The following PRDM16 variants were observed in gnomAD, a reference collection of about 807,000 sequenced individuals.
PRDM16 encodes histone-lysine N-methyltransferase PRDM16.
In PRDM16, 23 loss-of-function variants were observed where a neutral mutation model predicts 110.6. The observed-to-expected ratio is 0.21, with a 90% CI of 0.15 to 0.29. PRDM16 has a LOEUF of 0.29. PRDM16 is among the 10% of genes least tolerant of loss of function. The probability of loss-of-function intolerance (pLI) is 1.00; values close to 1 mark genes in which losing one functional copy is unlikely to be tolerated. For synonymous variants in PRDM16, 799 were observed against 781.8 expected (o/e 1.02, Z -0.37); for missense variants, 1,615 against 1,794.3 (o/e 0.90, Z 1.81).
chr1:3,221,961 G>A (rs187423496), intron 2 of PRDM16, among the ~76,000 whole-genome samples: 2 of 152,344 alleles, frequency 1.3e-5, no homozygotes, highest in East Asian at 3.9e-4. Context: ...AAATTTAGAT[G>A]GGGATACAGT....
intron 3 of PRDM16, among the ~76,000 whole-genome samples, chr1:3,305,498 C>A (rs1641293018): frequency 6.6e-6 from 1 of 152,238 alleles, no homozygotes; most frequent in East Asian, 1.9e-4. Flanking sequence ...CCTTTGGTGA[C>A]CATTTCCCAT....
In PRDM16 at chr1:3,186,281, G is replaced by T; in HGVS notation, c.194G>T (p.Gly65Val). ...AGCGAGGACTTCACCCCCAAGGAGG[G>T]CTCGCCGTACGAGGCCCCTGTCTAC... ...PTSEDFTPKE[G>V]SPYEAPVYIP... is the part of the protein sequence containing the mutation. The change falls in exon 2 of 17, where the codon GGC becomes GTC. Residue 65 changes from glycine (G) to valine (V), a missense_variant. Physicochemically the swap from Gly to Val is moderately radical, Grantham distance 109. Around this residue, in one of 5 missense-constraint regions of PRDM16, gnomAD observed 416 missense variants for 467.1 expected, o/e 0.89. Coordinates refer to ENST00000270722, the MANE Select transcript of PRDM16 (RefSeq NM_022114.4). 6.2e-7 allele frequency: 1 copy of T among 1,611,658 alleles called. No homozygotes were observed. Among genetic ancestry groups the T allele is most frequent in the Middle Eastern group, 1.7e-4 (1 of 6,052 alleles).
chr1:3,082,341 C>A (rs1642048871), intron 1 of PRDM16, among the ~76,000 whole-genome samples: 1 of 152,178 alleles, frequency 6.6e-6, no homozygotes. Flanking sequence ...CGGGGTCTGC[C>A]TGGCCAATGT....
At position 3,433,888 on chromosome 1, in the gene PRDM16, G is replaced by T; in HGVS notation, c.*77G>T. ...GGACGGAGGCGGGCGGGGCCCCGGAGAACCCTGTCCCTGCGTGTGGCCACT... is the reference window on the plus strand; with the variant it reads ...GGACGGAGGCGGGCGGGGCCCCGGATAACCCTGTCCCTGCGTGTGGCCACT... On this transcript the variant is annotated 3_prime_UTR_variant, in exon 17 of 17. Coordinates refer to ENST00000270722, the MANE Select transcript of PRDM16 (RefSeq NM_022114.4). The T allele has an allele frequency of 6.6e-7, 1 of 1,510,744 alleles. No homozygotes were observed. Among genetic ancestry groups the T allele is most frequent in the Non-Finnish European group, 9.0e-7 (1 of 1,110,632 alleles). The allele number at this position is 1,510,744 out of a possible 1,614,324, so 93.6% of individuals were successfully genotyped here.
At position 3,391,937 on chromosome 1, in the gene PRDM16, G is replaced by A. The variant is rs1412707964; in HGVS notation, c.574-4554G>A. ...CTGGCGCTTAGGGCATCATCACTACGACATGCTCAGCTCCTGGGCCGGCCT... is the reference window on the plus strand; with the variant it reads ...CTGGCGCTTAGGGCATCATCACTACAACATGCTCAGCTCCTGGGCCGGCCT... On this transcript the variant is annotated intron_variant, in intron 4 of 16. Coordinates refer to ENST00000270722, the MANE Select transcript of PRDM16 (RefSeq NM_022114.4). Among the ~76,000 whole-genome samples the A allele has an allele frequency of 3.9e-5, 6 of 152,236 alleles. No individual in the cohort carries two copies. The South Asian group carries it at 6.2e-4, about 16-fold the overall frequency.
At chr1:3,252,250 G>A (rs993394725) in intron 3 of PRDM16, among the ~76,000 whole-genome samples, 5 of 152,204 alleles carry the variant, frequency 3.3e-5, no homozygotes, top group South Asian at 2.1e-4. Flanking sequence ...TCCCGGCTCC[G>A]AGGGCCAGCT....
chr1:3,312,318 G>A (rs967808323), intron 3 of PRDM16, among the ~76,000 whole-genome samples: 21 of 152,336 alleles, frequency 1.4e-4, no homozygotes, highest in African/African-American at 3.8e-4. Flanking sequence ...GCAGGCTGGC[G>A]GGGTTGGTAG....
chr1:3,377,733 CAGATCACT>C (rs976415812), intron 3 of PRDM16, among the ~76,000 whole-genome samples: 4 of 152,186 alleles, frequency 2.6e-5, no homozygotes, highest in Non-Finnish European at 5.9e-5. Context: ...TGGTGGCCTC[CAGATCACT>C]ACCTGCTAAA....
intron 1 of PRDM16, among the ~76,000 whole-genome samples, chr1:3,090,042 G>A (rs941478552): frequency 6.6e-6 from 1 of 152,126 alleles, no homozygotes; most frequent in African/African-American, 2.4e-5. Context: ...CAGCTTCACC[G>A]GACAAATAAG....
At chr1:3,354,732 C>T (rs183018202) in intron 3 of PRDM16, among the ~76,000 whole-genome samples, 3 of 152,264 alleles carry the variant, frequency 2.0e-5, no homozygotes, top group East Asian at 1.9e-4. Flanking sequence ...TCCAAGGCTA[C>T]GACAGAGCAG....
rs749093354 is a variant in PRDM16 at position 3,186,299 on chromosome 1, C to T, written c.212C>T (p.Pro71Leu). 5 of 1,611,982 alleles carry T rather than the reference C, an allele frequency of 3.1e-6. No individual in the cohort carries two copies. In the East Asian group the frequency reaches 1.1e-4, roughly 36 times the overall value. ...TPKEGSPYEA[P>L]VYIPEDIPIP... Reference sequence around the variant, plus strand: ...AAGGAGGGCTCGCCGTACGAGGCCCCTGTCTACATTCCTGAAGACATTCCG... The same window carrying T: ...AAGGAGGGCTCGCCGTACGAGGCCCTTGTCTACATTCCTGAAGACATTCCG... The change falls in exon 2 of 17, where the codon CCT becomes CTT. Residue 71 changes from proline (P) to leucine (L), a missense_variant. Transcript: ENST00000270722.
At chr1:3,169,968 A>G (rs1202742357) in intron 1 of PRDM16, among the ~76,000 whole-genome samples, 2 of 152,268 alleles carry the variant, frequency 1.3e-5, no homozygotes, top group Admixed American at 6.5e-5. Context: ...TGGACTGTGC[A>G]CACCTCGTGG....
intron 3 of PRDM16, among the ~76,000 whole-genome samples, chr1:3,378,682 G>A (rs1465047340): frequency 2.0e-5 from 3 of 152,114 alleles, no homozygotes; most frequent in Non-Finnish European, 2.9e-5. Flanking sequence ...TGGGGAGGAA[G>A]GCGAGAGAGG....
At chr1:3,391,214 C>T (rs534297207) in intron 4 of PRDM16, among the ~76,000 whole-genome samples, 1 of 152,272 alleles carries the variant, frequency 6.6e-6, no homozygotes, top group South Asian at 2.1e-4. Context: ...CCATGCGACA[C>T]AGTTTACCCC....
intron 1 of PRDM16, among the ~76,000 whole-genome samples, chr1:3,109,332 A>G (rs1642734586): frequency 6.6e-6 from 1 of 152,086 alleles, no homozygotes; most frequent in Non-Finnish European, 1.5e-5. Context: ...TATTATTATC[A>G]TTATGATTAC....
intron 1 of PRDM16, among the ~76,000 whole-genome samples, chr1:3,167,578 T>C (rs1161128131): frequency 8.0e-6 from 1 of 124,288 alleles, no homozygotes; most frequent in African/African-American, 3.2e-5. Context: ...GCTCCTGCCA[T>C]CCTCCCACCC....
At chr1:3,313,931 G>A (rs1425280643) in intron 3 of PRDM16, among the ~76,000 whole-genome samples, 2 of 152,236 alleles carry the variant, frequency 1.3e-5, no homozygotes, top group Non-Finnish European at 2.9e-5. Flanking sequence ...ATTTATTGCC[G>A]ATTGTGGGGA....
At chr1:3,253,336 T>A (rs1399325361) in intron 3 of PRDM16, among the ~76,000 whole-genome samples, 1 of 147,374 alleles carries the variant, frequency 6.8e-6, no homozygotes, top group Non-Finnish European at 1.5e-5. Context: ...TAGGTATATC[T>A]CCTAATGCTA....
intron 5 of PRDM16, 25 bp from the exon 6 acceptor site, chr1:3,402,766 C>A (rs1643494270): frequency 6.3e-7 from 1 of 1,597,932 alleles, no homozygotes. Flanking sequence ...GCTCACTCAC[C>A]ACCACCTCGT....
Sources: gnomAD v4.1 joint callset for allele counts (sites outside exome capture counted in the v4.1 genomes callset) on GRCh38, gnomAD v4.1.1 for gene constraint, gnomAD v4.1.1 regional missense constraint, MANE v1.5 for transcripts, NCBI Gene and HGNC (gene_info 2026-07-23, HGNC 2026-07-21) for gene names.